Variants in GLIS3 observed in about 807,000 individuals in gnomAD.
GLIS3 encodes the protein zinc finger protein GLIS3.
Under a neutral mutation model 78.6 loss-of-function variants are expected in GLIS3, and 53 were observed. The observed-to-expected ratio is 0.67, with a 90% confidence interval of 0.54 to 0.85. The LOEUF (loss-of-function observed/expected upper bound fraction) is 0.85, where lower values mean the gene tolerates loss of function less well. Among genes scored for constraint, GLIS3 ranks in the 40% least tolerant of loss-of-function variants. GLIS3 has a pLI of 0.00. For missense variants in GLIS3, 1,703 were observed against 1,231.1 expected (o/e 1.38, Z -5.74); for synonymous variants, 684 against 509.9 (o/e 1.34, Z -4.60).
chr9:4,052,527 G>A (rs774026159), intron 4 of GLIS3, among the ~76,000 whole-genome samples: 44 of 152,014 alleles, frequency 2.9e-4, no homozygotes, highest in Non-Finnish European at 5.9e-4. Flanking sequence ...ACCACTAGTC[G>A]GATTTCTGTC....
chr9:4,471,564 T>C, the GLIS3 span, among the ~76,000 whole-genome samples: 28 of 152,216 alleles, frequency 1.8e-4, no homozygotes, highest in Admixed American at 1.8e-3. Flanking sequence ...TATAGAAAGC[T>C]GAAATTGGAT....
chr9:4,186,351 G>C (rs1458125686), intron 2 of GLIS3, among the ~76,000 whole-genome samples: 1 of 151,904 alleles, frequency 6.6e-6, no homozygotes, highest in African/African-American at 2.4e-5. Context: ...TGGCTGCATA[G>C]TATTCCATGG....
At chr9:4,480,637 C>T in the GLIS3 span, among the ~76,000 whole-genome samples, 1 of 152,000 alleles carries the variant, frequency 6.6e-6, no homozygotes, top group South Asian at 2.1e-4. Flanking sequence ...TGTAACAAAT[C>T]ATAATATCCT....
At chr9:4,254,639 A>C (rs1047664689) in intron 2 of GLIS3, among the ~76,000 whole-genome samples, 2 of 152,182 alleles carry the variant, frequency 1.3e-5, no homozygotes, top group African/African-American at 4.8e-5. Context: ...CAGGAGTTCA[A>C]GACCAGCCTG....
the GLIS3 span, among the ~76,000 whole-genome samples, chr9:4,450,588 C>A: frequency 1.3e-5 from 2 of 152,256 alleles, no homozygotes; most frequent in African/African-American, 4.8e-5. Flanking sequence ...ATGTTAAGGG[C>A]AGCCAGAGAG....
At chr9:4,050,784 C>A (rs1202629601) in intron 4 of GLIS3, among the ~76,000 whole-genome samples, 1 of 152,060 alleles carries the variant, frequency 6.6e-6, no homozygotes, top group Non-Finnish European at 1.5e-5. Flanking sequence ...CACTGAAAGT[C>A]ACTGGCATCA....
At chr9:4,470,351 C>G in the GLIS3 span, among the ~76,000 whole-genome samples, 1 of 152,116 alleles carries the variant, frequency 6.6e-6, no homozygotes, top group Non-Finnish European at 1.5e-5. Context: ...GGCAAAAATC[C>G]TCAATAAAAT....
At chr9:4,296,763 T>C (rs1446467351) in intron 1 of GLIS3, among the ~76,000 whole-genome samples, 2 of 150,824 alleles carry the variant, frequency 1.3e-5, no homozygotes, top group African/African-American at 2.4e-5. Flanking sequence ...GTTTTGAAAA[T>C]AGCGAAAAAA....
At chr9:3,838,611 GGTCA>G (rs1436963129) in intron 9 of GLIS3, among the ~76,000 whole-genome samples, 1 of 152,094 alleles carries the variant, frequency 6.6e-6, no homozygotes, top group Non-Finnish European at 1.5e-5. Flanking sequence ...GGTTTACTTG[GGTCA>G]GTTAGGTGCT....
At chr9:4,175,484 A>G (rs1012185779) in intron 2 of GLIS3, among the ~76,000 whole-genome samples, 2 of 151,992 alleles carry the variant, frequency 1.3e-5, no homozygotes, top group Non-Finnish European at 2.9e-5. Flanking sequence ...CTGAACACAA[A>G]TAACTTTAAC....
intron 2 of GLIS3, among the ~76,000 whole-genome samples, chr9:4,253,278 G>A (rs1358448554): frequency 6.6e-6 from 1 of 152,250 alleles, no homozygotes; most frequent in Non-Finnish European, 1.5e-5. Context: ...GCCCCTGACT[G>A]GGGCTGCTGC....
At chr9:3,873,514 A>T (rs1398355137) in intron 8 of GLIS3, among the ~76,000 whole-genome samples, 1 of 152,214 alleles carries the variant, frequency 6.6e-6, no homozygotes, top group Middle Eastern at 3.2e-3. Context: ...ATGTCTGGTA[A>T]CAGAATAAGG....
At chr9:4,375,920 C>T in the GLIS3 span, among the ~76,000 whole-genome samples, 1 of 152,170 alleles carries the variant, frequency 6.6e-6, no homozygotes, top group Non-Finnish European at 1.5e-5. Flanking sequence ...TAACCAGTTT[C>T]TAGTGCCAGC....
At chr9:4,196,624 A>G (rs1586945897) in intron 2 of GLIS3, among the ~76,000 whole-genome samples, 1 of 152,098 alleles carries the variant, frequency 6.6e-6, no homozygotes, top group Non-Finnish European at 1.5e-5. Flanking sequence ...ATGCAGCTTC[A>G]CTCCTGAAGC....
At chr9:4,246,811 G>A (rs780114581) in intron 2 of GLIS3, among the ~76,000 whole-genome samples, 20 of 152,124 alleles carry the variant, frequency 1.3e-4, no homozygotes, top group Admixed American at 6.6e-5. Flanking sequence ...TTGGACCCCT[G>A]ACATAAAACT....
intron 9 of GLIS3, among the ~76,000 whole-genome samples, chr9:3,845,738 C>T (rs757256984): frequency 2.6e-5 from 4 of 152,144 alleles, no homozygotes; most frequent in South Asian, 2.1e-4. Context: ...TGCCCACGCA[C>T]GCACACACAC....
chr9:4,351,756 A>G (rs1337342267), upstream of GLIS3, among the ~76,000 whole-genome samples: 2 of 152,200 alleles, frequency 1.3e-5, no homozygotes, highest in Non-Finnish European at 2.9e-5. Flanking sequence ...TGGGCCTTAG[A>G]TTTTTAAAAT....
Position 4,118,111 on chromosome 9 carries a change from G to C in GLIS3, c.1367C>G (p.Pro456Arg), listed in dbSNP as rs6415788. Residue 456 changes from proline (P) to arginine (R), a missense_variant, in exon 4 of 11, where the codon CCA becomes CGA. Transcript: ENST00000381971. The surrounding 1 kb of genome is among the most constrained non-coding windows in gnomAD (Gnocchi z 4.7). ...APPLPPLPPP[P>R]GPPPPYHAHA... ...GGCATGGTAAGGGGGTGGGGGGCCTGGGGGCGGCGGCAGAGGAGGGAGCGG... is the reference window on the plus strand; with the variant it reads ...GGCATGGTAAGGGGGTGGGGGGCCTCGGGGCGGCGGCAGAGGAGGGAGCGG... The C allele has an allele frequency of 6.5e-7, 1 of 1,527,466 alleles. No individual in the cohort carries two copies. Among genetic ancestry groups the C allele is most frequent in the East Asian group, 2.3e-5 (1 of 43,550 alleles). The allele number at this position is 1,527,466 out of a possible 1,614,324, so 94.6% of individuals were successfully genotyped here.
At chr9:3,829,709 T>C (rs542351541) in intron 9 of GLIS3, among the ~76,000 whole-genome samples, 132 of 152,298 alleles carry the variant, frequency 8.7e-4, no homozygotes, top group Non-Finnish European at 1.4e-3. Flanking sequence ...TAGTGTGTAA[T>C]GTTTTTATTA....
Sources: gnomAD v4.1 joint callset for allele counts (sites outside exome capture counted in the v4.1 genomes callset) on GRCh38, gnomAD v4.1.1 for gene constraint, Gnocchi (gnomAD v3.1) non-coding constraint, MANE v1.5 for transcripts, NCBI Gene and HGNC (gene_info 2026-07-23, HGNC 2026-07-21) for gene names.